The following SCML4 variants were observed in gnomAD, a reference collection of about 807,000 sequenced individuals.
SCML4 encodes the protein Scm polycomb group protein like 4, also known as sex comb on midleg-like protein 4.
Under a neutral mutation model 41.1 loss-of-function variants are expected in SCML4, and 34 were observed. That is an observed-to-expected ratio of 0.83 (90% confidence interval 0.63 to 1.10). The LOEUF (loss-of-function observed/expected upper bound fraction) is 1.10. Ranked by LOEUF, SCML4 falls within the 50% of genes least tolerant of loss-of-function variation. The pLI is 0.00. For synonymous variants in SCML4, 214 were observed against 220.9 expected (o/e 0.97, Z 0.28); for missense variants, 522 against 534.1 (o/e 0.98, Z 0.22).
chr6:107,802,336 G>A (rs1265922357), intron 1 of SCML4, among the ~76,000 whole-genome samples: 2 of 152,160 alleles, frequency 1.3e-5, no homozygotes, highest in Admixed American at 1.3e-4. Context: ...ACTAAGGTAT[G>A]TTTGAGCAGA....
At chr6:107,751,191 T>G (rs1778589523) in intron 2 of SCML4, among the ~76,000 whole-genome samples, 1 of 152,122 alleles carries the variant, frequency 6.6e-6, no homozygotes, top group South Asian at 2.1e-4. Context: ...AGATTACATG[T>G]TAATAAAAGC....
intron 2 of SCML4, among the ~76,000 whole-genome samples, chr6:107,751,618 CTTTCTTTCTTT>C (rs1562218821): frequency 8.2e-5 from 12 of 146,944 alleles, no homozygotes; most frequent in Admixed American, 2.0e-4. Context: ...TTCTTTCTTT[CTTTCTTTCTTT>C]CTTTCTTTCT....
intron 5 of SCML4, among the ~76,000 whole-genome samples, chr6:107,741,542 C>CT (rs1302924898): frequency 6.6e-6 from 1 of 152,244 alleles, no homozygotes; most frequent in African/African-American, 2.4e-5. Flanking sequence ...CCTGGGAACT[C>CT]TGCTTAGTTA....
chr6:107,833,308 G>T, the SCML4 span, among the ~76,000 whole-genome samples: 2 of 152,152 alleles, frequency 1.3e-5, no homozygotes, highest in Non-Finnish European at 2.9e-5. Context: ...CTAAGTCCGC[G>T]CTGTGTGTGT....
At chr6:107,779,180 A>AAAATAAATAAATAAAT (rs34080063) in intron 1 of SCML4, among the ~76,000 whole-genome samples, 1,570 of 148,748 alleles carry the variant, frequency 0.011, 37 homozygotes, top group East Asian at 0.097. Flanking sequence ...ACTCCATCTC[A>AAAATAAATAAATAAAT]AAATAAATAA....
chr6:107,779,444 G>T (rs1232104881), intron 1 of SCML4, among the ~76,000 whole-genome samples: 4 of 152,260 alleles, frequency 2.6e-5, no homozygotes, highest in Admixed American at 2.6e-4. Context: ...ATGATGCAGG[G>T]ATGTTTGGTG....
rs73762060 is a variant in SCML4, at chr6:107,746,577, G to A, written c.487+112C>T. On this transcript the variant is annotated intron_variant, in intron 4 of 7. Transcript: ENST00000369020. ...GGCTCATAAAGACCCTAGGAGCCCAGCAGATGAAGGACAGACCCTGGCCAC... is the reference window on the plus strand; with the variant it reads ...GGCTCATAAAGACCCTAGGAGCCCAACAGATGAAGGACAGACCCTGGCCAC... 2.1e-3 allele frequency: 1,891 copies of A among 894,532 alleles called. 19 individuals are homozygous for A. In the African/African-American group the frequency reaches 0.028, roughly 13 times the overall value. The allele number at this position is 894,532 out of a possible 1,614,324, so 55.4% of individuals were successfully genotyped here.
At chr6:107,774,550 T>C (rs75331460) in intron 1 of SCML4, among the ~76,000 whole-genome samples, 1,710 of 152,348 alleles carry the variant, frequency 0.011, 33 homozygotes, top group African/African-American at 0.039. Context: ...GGTCCGAGTC[T>C]AATTTTGAAC....
chr6:107,751,792 C>T (rs191435277), intron 2 of SCML4, among the ~76,000 whole-genome samples: 47 of 152,052 alleles, frequency 3.1e-4, no homozygotes, highest in South Asian at 6.2e-4. Flanking sequence ...CCCGCCACCA[C>T]GCCTAGCTAA....
At chr6:107,818,481 A>G (rs1784710914) in intron 1 of SCML4, among the ~76,000 whole-genome samples, 1 of 152,244 alleles carries the variant, frequency 6.6e-6, no homozygotes, top group African/African-American at 2.4e-5. Flanking sequence ...GCATGTCTTA[A>G]TAGCTAATTG....
intron 1 of SCML4, among the ~76,000 whole-genome samples, chr6:107,778,208 AAAAAAAAAAAAAAAAT>A (rs1781128220): frequency 1.4e-5 from 1 of 71,252 alleles, no homozygotes; most frequent in African/African-American, 1.1e-4. Context: ...AAAAAAAAAA[AAAAAAAAAAAAAAAAT>A]ATATATATAT....
chr6:107,752,282 G>C (rs1342136002), intron 2 of SCML4, among the ~76,000 whole-genome samples: 2 of 152,042 alleles, frequency 1.3e-5, no homozygotes, highest in Non-Finnish European at 2.9e-5. Context: ...TTTTGGACAT[G>C]TCGAGTTTAA....
chr6:107,828,466 A>G (rs1241468166), upstream of SCML4, among the ~76,000 whole-genome samples: 2 of 152,232 alleles, frequency 1.3e-5, no homozygotes, highest in Non-Finnish European at 2.9e-5. Context: ...GATTATGGAT[A>G]TGGCCATAAT....
At chr6:107,721,140 A>C in intron 5 of SCML4, 147 bp from the exon 6 acceptor site, 1 of 957,768 alleles carries the variant, frequency 1.0e-6, no homozygotes, top group Non-Finnish European at 1.5e-6. Context: ...TCACAACATA[A>C]TTCCAAATAG....
At chr6:107,801,197 C>A (rs540327986) in intron 1 of SCML4, among the ~76,000 whole-genome samples, 1 of 152,338 alleles carries the variant, frequency 6.6e-6, no homozygotes, top group Non-Finnish European at 1.5e-5. Context: ...TAAAGCCCAA[C>A]CGATTTCTCC....
chr6:107,822,316 C>T (rs923312380), intron 1 of SCML4, among the ~76,000 whole-genome samples: 1 of 152,026 alleles, frequency 6.6e-6, no homozygotes, highest in Non-Finnish European at 1.5e-5. Flanking sequence ...CTGCTGCTTG[C>T]TAGAGGAGAC....
intron 6 of SCML4, among the ~76,000 whole-genome samples, chr6:107,712,427 G>A (rs1217195629): frequency 6.6e-6 from 1 of 152,148 alleles, no homozygotes; most frequent in Non-Finnish European, 1.5e-5. Flanking sequence ...GCTGAGCCAG[G>A]TGGCTGGTTT....
intron 1 of SCML4, among the ~76,000 whole-genome samples, chr6:107,773,451 G>C (rs1239164234): frequency 1.3e-5 from 2 of 151,968 alleles, no homozygotes; most frequent in African/African-American, 4.8e-5. Context: ...AATTAGCCAG[G>C]CTTGGCTGCC....
chr6:107,754,160 G>T (rs1312045041), intron 2 of SCML4, among the ~76,000 whole-genome samples: 1 of 152,194 alleles, frequency 6.6e-6, no homozygotes, highest in African/African-American at 2.4e-5. Flanking sequence ...TGCTAAATGG[G>T]TGCTGAATTT....
Sources: allele counts gnomAD v4.1 joint callset (sites outside exome capture counted in the v4.1 genomes callset), GRCh38; gene constraint gnomAD v4.1.1; transcripts MANE v1.5; gene names NCBI Gene and HGNC (gene_info 2026-07-23, HGNC 2026-07-21).